Variants in TRMT9B observed in about 807,000 individuals in gnomAD.
TRMT9B encodes the protein tRNA methyltransferase 9B (putative), also known as probable tRNA methyltransferase 9B.
TRMT9B carries 16 observed loss-of-function variants against 11.5 expected under a neutral mutation model. The ratio of observed to expected loss-of-function variants is 1.39; its 90% CI spans 0.94 to 2.11. TRMT9B has a LOEUF of 2.11. Among genes scored for constraint, TRMT9B ranks in the 30% most tolerant of loss-of-function variants. The pLI, the probability that TRMT9B is intolerant of heterozygous loss-of-function variation, is 0.00. For missense variants in TRMT9B, 941 were observed against 553.8 expected, an observed-to-expected ratio of 1.70 and a Z score of -7.02; for synonymous variants, 274 against 192.4, an observed-to-expected ratio of 1.42 and a Z score of -3.51.
chr8:13,015,159 A>AT (rs1163911771), intron 4 of TRMT9B, among the ~76,000 whole-genome samples: 2 of 151,976 alleles, frequency 1.3e-5, no homozygotes, highest in Admixed American at 1.3e-4. Flanking sequence ...CACTCATTTT[A>AT]TTTTTTATTT....
At chr8:12,990,675 G>A (rs182383245) in intron 1 of TRMT9B, among the ~76,000 whole-genome samples, 159 bp from the exon 2 acceptor site, 95 of 152,274 alleles carry the variant, frequency 6.2e-4, no homozygotes, top group Admixed American at 4.7e-3. Context: ...GATTTGAACT[G>A]CTCTTATAAT....
chr8:12,995,874 A>G (rs887980613), intron 2 of TRMT9B, among the ~76,000 whole-genome samples: 1 of 152,190 alleles, frequency 6.6e-6, no homozygotes, highest in African/African-American at 2.4e-5. Flanking sequence ...ATAACTGCAC[A>G]TATAAAGAGC....
chr8:13,012,009 C>G (rs1417877020), intron 3 of TRMT9B: 9 of 985,278 alleles, frequency 9.1e-6, no homozygotes, highest in East Asian at 1.1e-4. Context: ...TGCGTATATA[C>G]AAAATGAAAT....
At position 13,028,574 on chromosome 8, in the gene TRMT9B, C is replaced by CTTTTCTTTTCTTTTCT. The variant is rs1186310164; in HGVS notation, c.*6534_*6535insCTTTTCTTTTCTTTTT. The CTTTTCTTTTCTTTTCT allele has an allele frequency of 2.6e-5, 2 of 76,088 alleles. No homozygotes were observed. The highest frequency in any genetic ancestry group is 5.6e-4 in the South Asian group (1 of 1,796). 4.7% of individuals were successfully genotyped at this position (76,088 alleles called of 1,614,324 possible). A position where few individuals can be genotyped will look rare whatever the true frequency, so the allele number is the denominator to read the frequency against. On this transcript the variant is annotated 3_prime_UTR_variant, in exon 5 of 5. Transcript: ENST00000524591. ...GATAAGCACTTTTCTCTTTTCTTTT[C>CTTTTCTTTTCTTTTCT]TTTTTTTTTTTTTTTTTTTGAGACA...
In TRMT9B at chr8:13,012,783, G is replaced by A. The variant is rs369928661; in HGVS notation, c.254G>A (p.Cys85Tyr). The A allele has an allele frequency of 2.3e-5, 37 of 1,613,966 alleles. No individual in the cohort carries two copies. Among genetic ancestry groups the A allele is most frequent in the East Asian group, 2.2e-4 (10 of 44,864 alleles). The change falls in exon 4 of 5, where the codon TGT becomes TAT. Residue 85 changes from cysteine (C) to tyrosine (Y), a missense_variant. By Grantham distance (194) the Cys-to-Tyr change is radical. Coordinates refer to ENST00000524591, the MANE Select transcript of TRMT9B (RefSeq NM_020844.3). ...GTAGAGATTGCCCGGAATAGAGGAT[G>A]TGAAGCCATGGTATGTGACAACCTT... ...PLVEIARNRG[C>Y]EAMVCDNLNL...
At chr8:12,949,934 C>A (rs1183788925) in intron 1 of TRMT9B, among the ~76,000 whole-genome samples, 4 of 152,168 alleles carry the variant, frequency 2.6e-5, no homozygotes, top group Non-Finnish European at 5.9e-5. Context: ...CTCACTGCAA[C>A]TTCAAGCTTC....
intron 1 of TRMT9B, among the ~76,000 whole-genome samples, chr8:12,971,621 A>C (rs946916737): frequency 1.3e-5 from 2 of 152,210 alleles, no homozygotes; most frequent in Non-Finnish European, 2.9e-5. Context: ...CCTAATCTGC[A>C]AGAAAAAGAT....
At position 12,958,574 on chromosome 8, in the gene TRMT9B, C is replaced by G. The variant is rs557622034; in HGVS notation, c.-200+12608C>G. The G allele has an allele frequency of 1.8e-5, 3 of 166,556 alleles. No homozygotes were observed. The South Asian group carries it at 5.2e-4, about 29-fold the overall frequency. 10.3% of individuals were successfully genotyped at this position (166,556 alleles called of 1,614,324 possible). ...TTTCATCTCCATACAAGAAAGGAAG[C>G]TAGTTTTTCTGTCACAACTACCATG... On this transcript the variant is annotated intron_variant, in intron 1 of 4. Transcript: ENST00000524591.
chr8:12,984,056 C>G (rs1805858603), intron 1 of TRMT9B, among the ~76,000 whole-genome samples: 1 of 152,190 alleles, frequency 6.6e-6, no homozygotes, highest in Non-Finnish European at 1.5e-5. Flanking sequence ...CGCAGATTGT[C>G]CACATGGGTG....
chr8:12,986,733 C>A (rs1308250447), intron 1 of TRMT9B, among the ~76,000 whole-genome samples: 1 of 152,204 alleles, frequency 6.6e-6, no homozygotes, highest in East Asian at 1.9e-4. Flanking sequence ...GGCTTATTAT[C>A]AGAGCGTCAT....
chr8:13,008,567 G>A (rs1047744516), intron 3 of TRMT9B, among the ~76,000 whole-genome samples: 7 of 152,270 alleles, frequency 4.6e-5, no homozygotes, highest in South Asian at 2.1e-4. Flanking sequence ...AAATATGGAA[G>A]CTGTAATTTA....
chr8:12,963,430 C>T (rs939940735), intron 1 of TRMT9B, among the ~76,000 whole-genome samples: 6 of 151,932 alleles, frequency 3.9e-5, no homozygotes, highest in Admixed American at 1.3e-4. Context: ...GAGACTTTGT[C>T]ACAAAAACAA....
rs1815064863 is a variant in TRMT9B, at chr8:13,029,099, A to G, written c.*7055A>G. On this transcript the variant is annotated 3_prime_UTR_variant, in exon 5 of 5. Coordinates refer to ENST00000524591, the MANE Select transcript of TRMT9B (RefSeq NM_020844.3). ...CATCTAGTGTTTGCTGTCATTAGTG[A>G]CCAAGAAAAAGTAGTTCTTTTGTGC... is the stretch of plus-strand genomic sequence containing the variant. 6.0e-6 allele frequency: 1 copy of G among 166,994 alleles called. No individual in the cohort carries two copies. The highest frequency in any genetic ancestry group is 2.4e-5 in the African/African-American group (1 of 41,448). 10.3% of individuals were successfully genotyped at this position (166,994 alleles called of 1,614,324 possible). A position where few individuals can be genotyped will look rare whatever the true frequency, so the allele number is the denominator to read the frequency against.
chr8:12,954,254 A>G (rs1307598176), intron 1 of TRMT9B, among the ~76,000 whole-genome samples: 1 of 152,250 alleles, frequency 6.6e-6, no homozygotes, highest in East Asian at 1.9e-4. Flanking sequence ...CAGACCTTAT[A>G]GTATTTCTGA....
chr8:13,006,280 C>A lies in TRMT9B; in HGVS notation c.78C>A (p.Asp26Glu). 1 of 1,614,002 alleles carries A rather than the reference C, an allele frequency of 6.2e-7. No homozygotes were observed. The highest frequency in any genetic ancestry group is 1.1e-5 in the South Asian group (1 of 91,056). ...VYESTAPYFS[D>E]LQSKAWPRVR... ...AGAGCACAGCCCCTTACTTCAGCGA[C>A]CTGCAGAGCAAAGCCTGGCCTCGTG... Residue 26 changes from aspartate (D) to glutamate (E), a missense_variant, in exon 3 of 5, where the codon GAC becomes GAA. Asp to Glu is a conservative substitution (Grantham distance 45, BLOSUM62 2). Transcript: ENST00000524591.
At chr8:13,007,559 T>A (rs1280068198) in intron 3 of TRMT9B, 1 of 152,194 alleles carries the variant, frequency 6.6e-6, no homozygotes, top group African/African-American at 2.4e-5. Flanking sequence ...GAAGATGGTA[T>A]GAGTAATGTG....
rs567469362 is a variant in TRMT9B at position 12,959,653 on chromosome 8, G to A, written c.-200+13687G>A. Reference sequence around the variant, plus strand: ...TCCTGCCTCAGCCGCCCAAGTAGCCGGGGCTACAGGTTCACGCCACTACAC... The same window carrying A: ...TCCTGCCTCAGCCGCCCAAGTAGCCAGGGCTACAGGTTCACGCCACTACAC... On this transcript the variant is annotated intron_variant, in intron 1 of 4. Coordinates refer to ENST00000524591, the MANE Select transcript of TRMT9B (RefSeq NM_020844.3). Among the ~76,000 whole-genome samples, 13 of 149,342 alleles carry A rather than the reference G, an allele frequency of 8.7e-5. No individual in the cohort carries two copies. The South Asian group carries it at 1.9e-3, about 22-fold the overall frequency.
At chr8:13,007,763 C>T (rs1471203741) in intron 3 of TRMT9B, 1 of 152,088 alleles carries the variant, frequency 6.6e-6, no homozygotes, top group Non-Finnish European at 1.5e-5. Flanking sequence ...CAGTAAATGG[C>T]TTTGGGATAA....
chr8:12,983,215 G>T (rs1285715020), intron 1 of TRMT9B, among the ~76,000 whole-genome samples: 1 of 152,160 alleles, frequency 6.6e-6, no homozygotes, highest in Non-Finnish European at 1.5e-5. Flanking sequence ...AGTGCCTGTC[G>T]ATGGCATGGT....
Sources: allele counts gnomAD v4.1 joint callset (sites outside exome capture counted in the v4.1 genomes callset), GRCh38; gene constraint gnomAD v4.1.1; transcripts MANE v1.5; gene names NCBI Gene and HGNC (gene_info 2026-07-23, HGNC 2026-07-21).